BAZ2B: variants seen among roughly 807,000 people sequenced by gnomAD.
BAZ2B encodes the protein bromodomain adjacent to zinc finger domain protein 2B.
BAZ2B carries 91 observed loss-of-function variants against 246.0 expected under a neutral mutation model. The ratio of observed to expected loss-of-function variants is 0.37; its 90% CI spans 0.31 to 0.44. BAZ2B has a LOEUF of 0.44. Among genes scored for constraint, BAZ2B ranks in the 20% least tolerant of loss-of-function variants. The pLI is 1.00. For missense variants in BAZ2B, 2,332 were observed against 2,533.7 expected (o/e 0.92, Z 1.71); for synonymous variants, 855 against 860.0 (o/e 0.99, Z 0.10).
chr2:159,681,414 T>G, the BAZ2B span, among the ~76,000 whole-genome samples: 10 of 141,602 alleles, frequency 7.1e-5, no homozygotes, highest in Admixed American at 2.1e-4. Context: ...TACATAGATA[T>G]GAAAAAGAAA....
At chr2:159,450,505 T>C (rs2074926785) in intron 4 of BAZ2B, among the ~76,000 whole-genome samples, 1 of 152,002 alleles carries the variant, frequency 6.6e-6, no homozygotes, top group African/African-American at 2.4e-5. Flanking sequence ...AATAAAAAGA[T>C]GTGAATGGTA....
intron 25 of BAZ2B, among the ~76,000 whole-genome samples, chr2:159,377,580 C>T (rs563728676): frequency 2.0e-5 from 3 of 152,006 alleles, no homozygotes; most frequent in South Asian, 2.1e-4. Context: ...TTCAGGAGGC[C>T]GAGGCGGGTG....
At chr2:159,572,196 C>G (rs775050023) in intron 1 of BAZ2B, among the ~76,000 whole-genome samples, 4 of 152,196 alleles carry the variant, frequency 2.6e-5, no homozygotes, top group Non-Finnish European at 4.4e-5. Flanking sequence ...GCCTTATATA[C>G]CTTACCAACT....
At chr2:159,492,960 A>G (rs186874988) in intron 2 of BAZ2B, among the ~76,000 whole-genome samples, 15 of 152,316 alleles carry the variant, frequency 9.8e-5, no homozygotes, top group Middle Eastern at 3.4e-3. Context: ...CACCAACACT[A>G]ACATAATAAT....
At chr2:159,418,000 C>G (rs1024133173) in intron 13 of BAZ2B, among the ~76,000 whole-genome samples, 7 of 152,190 alleles carry the variant, frequency 4.6e-5, no homozygotes, top group African/African-American at 1.2e-4. Flanking sequence ...GGAGAGAGAA[C>G]TGGCTGAAAT....
chr2:159,549,824 C>CTTTT (rs766811132), intron 2 of BAZ2B, among the ~76,000 whole-genome samples: 9 of 131,122 alleles, frequency 6.9e-5, no homozygotes, highest in Non-Finnish European at 1.0e-4. Flanking sequence ...TTTTTTCTTT[C>CTTTT]TTTTTTTTTT....
intron 4 of BAZ2B, among the ~76,000 whole-genome samples, chr2:159,451,687 T>C (rs2075114983): frequency 6.6e-6 from 1 of 152,192 alleles, no homozygotes; most frequent in Non-Finnish European, 1.5e-5. Context: ...CAGAGCATAG[T>C]AGATGTCCAA....
At chr2:159,508,218 A>C (rs2082541600) in intron 2 of BAZ2B, among the ~76,000 whole-genome samples, 1 of 152,170 alleles carries the variant, frequency 6.6e-6, no homozygotes, top group African/African-American at 2.4e-5. Context: ...TCATAAATAG[A>C]ACTTCCATCA....
At chr2:159,535,077 T>C (rs900162954) in intron 2 of BAZ2B, among the ~76,000 whole-genome samples, 1 of 143,902 alleles carries the variant, frequency 6.9e-6, no homozygotes, top group Non-Finnish European at 1.5e-5. Flanking sequence ...CTCTTAATTT[T>C]TCAGTACTTA....
chr2:159,497,583 C>T (rs180958412), intron 2 of BAZ2B, among the ~76,000 whole-genome samples: 12 of 152,224 alleles, frequency 7.9e-5, no homozygotes, highest in Non-Finnish European at 1.5e-4. Context: ...ATACTCTAAT[C>T]AGATTCTTTC....
At chr2:159,317,627 C>T (rs1217482014), downstream of BAZ2B, among the ~76,000 whole-genome samples, 3 of 152,074 alleles carry the variant, frequency 2.0e-5, no homozygotes, top group Non-Finnish European at 4.4e-5. Flanking sequence ...TGAAAGTAGG[C>T]CAGTTTCTTA....
At chr2:159,363,886 G>A (rs1012714912) in intron 27 of BAZ2B, among the ~76,000 whole-genome samples, 2 of 152,160 alleles carry the variant, frequency 1.3e-5, no homozygotes, top group Middle Eastern at 3.2e-3. Context: ...TGGGGAGGAC[G>A]AGGGCTATTG....
chr2:159,368,227 G>A (rs1036159334), intron 27 of BAZ2B, among the ~76,000 whole-genome samples: 9 of 152,106 alleles, frequency 5.9e-5, no homozygotes, highest in African/African-American at 2.2e-4. Flanking sequence ...ATATATATGT[G>A]ATTTTAGTAG....
chr2:159,656,444 T>C, the BAZ2B span, among the ~76,000 whole-genome samples: 5 of 152,150 alleles, frequency 3.3e-5, no homozygotes, highest in Non-Finnish European at 7.4e-5. Context: ...TCATACAGGA[T>C]AGTTTCACGA....
chr2:159,607,987 A>C (rs183328085), intron 1 of BAZ2B, among the ~76,000 whole-genome samples: 143 of 152,334 alleles, frequency 9.4e-4, no homozygotes, highest in African/African-American at 3.3e-3. Flanking sequence ...TGTATCAAAT[A>C]TGTGCAATTC....
At chr2:159,470,691 G>T (rs753759868) in intron 3 of BAZ2B, among the ~76,000 whole-genome samples, 1 of 152,174 alleles carries the variant, frequency 6.6e-6, no homozygotes, top group South Asian at 2.1e-4. Flanking sequence ...ACAGACTTTA[G>T]ATGTGAGGGT....
the BAZ2B span, among the ~76,000 whole-genome samples, chr2:159,642,124 C>A: frequency 6.6e-6 from 1 of 151,786 alleles, no homozygotes; most frequent in South Asian, 2.1e-4. Context: ...GATTTTTCTT[C>A]TACTTAATTT....
intron 27 of BAZ2B, among the ~76,000 whole-genome samples, chr2:159,367,272 C>T (rs1263810521): frequency 2.0e-5 from 3 of 152,076 alleles, no homozygotes; most frequent in East Asian, 1.9e-4. Flanking sequence ...CAAGGCACAC[C>T]CCTGTGGAAC....
At position 159,383,659 on chromosome 2, in the gene BAZ2B, A is replaced by G; in HGVS notation, c.3708T>C (p.Asp1236=). 1.9e-6 allele frequency: 3 copies of G among 1,611,500 alleles called. No homozygotes were observed. The highest frequency in any genetic ancestry group is 8.5e-7 in the Non-Finnish European group (1 of 1,178,702). ...SVVSEIDKNI[D]YMSNLRRDKW... is the part of the protein sequence containing the mutation. ...TATCTCTCCTCAAGTTTGACATATA[A>G]TCAATGTTCTTGTCGATTTCACTGC... The change falls in exon 24 of 37, where the codon GAT becomes GAC. Residue 1236 remains aspartate (D), a synonymous_variant. Coordinates refer to ENST00000392783, the MANE Select transcript of BAZ2B (RefSeq NM_013450.4).
Sources: allele counts gnomAD v4.1 joint callset (sites outside exome capture counted in the v4.1 genomes callset), GRCh38; gene constraint gnomAD v4.1.1; transcripts MANE v1.5; gene names NCBI Gene and HGNC (gene_info 2026-07-23, HGNC 2026-07-21).